The following SHPK variants were observed in gnomAD, a reference collection of about 807,000 sequenced individuals.
SHPK encodes the protein sedoheptulokinase, also known as carbohydrate kinase-like protein.
In SHPK, 51 loss-of-function variants were observed where a neutral mutation model predicts 46.3. That is an observed-to-expected ratio of 1.10 (90% CI 0.88 to 1.39). The LOEUF is 1.39. Ranked by LOEUF, SHPK falls within the 40% of genes most tolerant of loss-of-function variation. SHPK has a pLI of 0.00. For synonymous variants in SHPK, 290 were observed against 273.9 expected (o/e 1.06, Z -0.58); for missense variants, 668 against 641.3 (o/e 1.04, Z -0.45).
intron 1 of SHPK, among the ~76,000 whole-genome samples, chr17:3,633,228 ACCTCCGCCTC>A (rs2075484033): frequency 6.6e-6 from 1 of 150,884 alleles, no homozygotes; most frequent in South Asian, 2.1e-4. Context: ...TGATCCACCC[ACCTCCGCCTC>A]CCAAAGTGCT....
chr17:3,627,784 T>C (rs1267439460), intron 2 of SHPK, among the ~76,000 whole-genome samples: 7 of 151,684 alleles, frequency 4.6e-5, no homozygotes, highest in Non-Finnish European at 8.8e-5. Context: ...ATCAGCTCTC[T>C]GCTGTCCTCT....
At position 3,632,990 on chromosome 17, in the gene SHPK, T is replaced by C. The variant is rs943461827; in HGVS notation, c.169-2644A>G. 2.7e-5 allele frequency among the ~76,000 whole-genome samples: 4 copies of C among 146,950 alleles called. No individual in the cohort carries two copies. The East Asian group carries it at 5.9e-4, about 22-fold the overall frequency. On this transcript the variant is annotated intron_variant, in intron 1 of 6. Coordinates refer to ENST00000225519, the MANE Select transcript of SHPK (RefSeq NM_013276.4). ...ATATTACTTTTTTTTTTTTTTTTTT[T>C]TTTTTGGAGACAGAGTCTTACTCTG...
At chr17:3,617,012 C>T (rs2075374575) in intron 5 of SHPK, among the ~76,000 whole-genome samples, 1 of 151,914 alleles carries the variant, frequency 6.6e-6, no homozygotes, top group African/African-American at 2.4e-5. Context: ...GCTGGGATTA[C>T]AGGTGCCCGC....
intron 5 of SHPK, chr17:3,619,419 A>G (rs2075386829): frequency 6.5e-7 from 1 of 1,548,586 alleles, no homozygotes; most frequent in Admixed American, 1.7e-5. Flanking sequence ...TCGGGACATA[A>G]AGCCAAATGC....
chr17:3,620,999 G>A (rs1430966360), intron 5 of SHPK, among the ~76,000 whole-genome samples: 4 of 152,202 alleles, frequency 2.6e-5, no homozygotes, highest in Admixed American at 6.5e-5. Flanking sequence ...CAGCCCCAGA[G>A]GTGGTCAGCA....
rs778865879 is a variant in SHPK at position 3,615,302 on chromosome 17, G to A, written c.1024+35C>T. The A allele has an allele frequency of 3.7e-6, 6 of 1,602,276 alleles. No homozygotes were observed. The South Asian group carries it at 6.6e-5, about 18-fold the overall frequency. ...AGACCCTGCCGGGTAGAAAGGACAG[G>A]CAGAGAACACAGCGCTGTGTGGGCC... On this transcript the variant is annotated intron_variant, in intron 6 of 6. Transcript: ENST00000225519.
intron 6 of SHPK, 119 bp downstream of exon 6, chr17:3,615,218 C>A (rs190322162): frequency 3.3e-6 from 3 of 904,378 alleles, no homozygotes; most frequent in Non-Finnish European, 5.2e-6. Context: ...CAGGACCTGG[C>A]AGGGTCTGAG....
chr17:3,614,529 A>C (rs1348837059), intron 6 of SHPK, among the ~76,000 whole-genome samples: 1 of 138,394 alleles, frequency 7.2e-6, no homozygotes, highest in Non-Finnish European at 1.6e-5. Flanking sequence ...CATCTCAAAA[A>C]AGAAAAGAAA....
chr17:3,615,449 G>T lies in SHPK; in HGVS notation c.912C>A (p.Val304=). The T allele has an allele frequency of 6.2e-7, 1 of 1,614,166 alleles. No individual in the cohort carries two copies. Among genetic ancestry groups the T allele is most frequent in the South Asian group, 1.1e-5 (1 of 91,078 alleles). ...TCCTGTTGAAGTATGGGAAGTAGGC[G>T]ACTGGGGCCGTAGGGTCTGGAGTCT... is the stretch of plus-strand genomic sequence containing the variant. ...PAQTPDPTAP[V]AYFPYFNRTY... The change falls in exon 6 of 7, where the codon GTC becomes GTA. Residue 304 remains valine (V), a synonymous_variant. Coordinates refer to ENST00000225519, the MANE Select transcript of SHPK (RefSeq NM_013276.4).
intron 5 of SHPK, chr17:3,619,443 TG>T (rs2075386888): frequency 6.9e-7 from 1 of 1,451,468 alleles, no homozygotes; most frequent in Non-Finnish European, 9.6e-7. Flanking sequence ...ATTAAAAATT[TG>T]GACGGAGAGG....
intron 5 of SHPK, among the ~76,000 whole-genome samples, chr17:3,619,046 T>C (rs2075384417): frequency 6.6e-6 from 1 of 151,854 alleles, no homozygotes; most frequent in African/African-American, 2.4e-5. Flanking sequence ...TTTTTTTTTT[T>C]CAAGTTTAAT....
intron 5 of SHPK, chr17:3,619,625 C>T (rs185697716): frequency 1.1e-5 from 4 of 370,190 alleles, no homozygotes; most frequent in South Asian, 2.3e-5. Context: ...CCCATCTACT[C>T]GGGAGGACAA....
chr17:3,621,349 C>G lies in SHPK; in HGVS notation c.711G>C (p.Ala237=), dbSNP rs552100734. The G allele has an allele frequency of 1.8e-5, 29 of 1,614,026 alleles. No homozygotes were observed. In the African/African-American group the frequency reaches 1.9e-4, roughly 10 times the overall value. ...LPDIAEPGSV[A]GRTSHMWFEI... ...CAAACCACATGTGGGAAGTTCTGCC[C>G]GCCACACTGCCAGGCTCGGCGATGT... The change falls in exon 5 of 7, where the codon GCG becomes GCC. Residue 237 remains alanine, a synonymous_variant. Coordinates refer to ENST00000225519, the MANE Select transcript of SHPK (RefSeq NM_013276.4).
At chr17:3,613,525 C>T (rs566684088) in intron 6 of SHPK, among the ~76,000 whole-genome samples, 79 of 152,244 alleles carry the variant, frequency 5.2e-4, no homozygotes, top group Middle Eastern at 3.4e-3. Context: ...TGTGCCACCA[C>T]ACCTGGCTAA....
At chr17:3,627,714 G>A (rs1356016414) in intron 2 of SHPK, among the ~76,000 whole-genome samples, 1 of 151,318 alleles carries the variant, frequency 6.6e-6, no homozygotes, top group Non-Finnish European at 1.5e-5. Context: ...GATGGTTTGT[G>A]TGGTTGTTAG....
At chr17:3,621,088 C>T in intron 5 of SHPK, 149 bp downstream of exon 5, 1 of 696,284 alleles carries the variant, frequency 1.4e-6, no homozygotes, top group Non-Finnish European at 2.2e-6. Flanking sequence ...CCTGCAAGGA[C>T]AAGGGTGCTT....
chr17:3,635,779 G>A (rs1177620958), intron 1 of SHPK, among the ~76,000 whole-genome samples: 1 of 152,172 alleles, frequency 6.6e-6, no homozygotes, highest in African/African-American at 2.4e-5. Context: ...AGAGAGCACA[G>A]GGATCCAGCG....
chr17:3,618,545 G>A (rs1048354624), intron 5 of SHPK, among the ~76,000 whole-genome samples: 2 of 152,086 alleles, frequency 1.3e-5, no homozygotes, highest in African/African-American at 4.8e-5. Context: ...ACTTTAGGAG[G>A]CCGAGGCAGG....
chr17:3,622,891 G>C (rs981387643), intron 4 of SHPK, among the ~76,000 whole-genome samples: 3 of 152,008 alleles, frequency 2.0e-5, no homozygotes, highest in Non-Finnish European at 4.4e-5. Context: ...TTTTAGTAGA[G>C]ATGGGGTTTC....
Sources: allele counts gnomAD v4.1 joint callset (sites outside exome capture counted in the v4.1 genomes callset), GRCh38; gene constraint gnomAD v4.1.1; transcripts MANE v1.5; gene names NCBI Gene and HGNC (gene_info 2026-07-23, HGNC 2026-07-21).